The following ANKFN1 variants were observed in gnomAD, a reference collection of about 807,000 sequenced individuals.
ANKFN1 encodes ankyrin repeat and fibronectin type-III domain-containing protein 1.
ANKFN1 carries 74 observed loss-of-function variants against 108.7 expected under a neutral mutation model. The ratio of observed to expected loss-of-function variants is 0.68; its 90% CI spans 0.56 to 0.83. The LOEUF (loss-of-function observed/expected upper bound fraction) is 0.83, where lower values mean the gene tolerates loss of function less well. Among genes scored for constraint, ANKFN1 ranks in the 40% least tolerant of loss-of-function variants. The pLI is 0.00. For synonymous variants in ANKFN1, 547 were observed against 516.2 expected, an observed-to-expected ratio of 1.06 and a Z score of -0.81; for missense variants, 1,505 against 1,382.3, an observed-to-expected ratio of 1.09 and a Z score of -1.41.
intron 4 of ANKFN1, among the ~76,000 whole-genome samples, chr17:56,347,948 T>C (rs56256630): frequency 0.5 from 75,669 of 151,778 alleles, 19,252 homozygotes; most frequent in Middle Eastern, 0.57. Context: ...TACAAAAGAA[T>C]GTAGAGTTAT....
intron 1 of ANKFN1, among the ~76,000 whole-genome samples, chr17:56,208,347 A>G (rs946383703): frequency 6.6e-6 from 1 of 152,178 alleles, no homozygotes. Flanking sequence ...CAATCTCAGC[A>G]CTACTGACGT....
At chr17:56,269,042 G>A (rs772970243) in intron 3 of ANKFN1, among the ~76,000 whole-genome samples, 43 of 152,202 alleles carry the variant, frequency 2.8e-4, no homozygotes, top group Non-Finnish European at 4.3e-4. Flanking sequence ...AGTTTTTTGG[G>A]GGTAGTTATA....
chr17:56,237,818 C>T (rs190950636), intron 3 of ANKFN1, among the ~76,000 whole-genome samples: 60 of 151,984 alleles, frequency 3.9e-4, no homozygotes, highest in African/African-American at 1.4e-3. Context: ...CTTCTGCTAG[C>T]TTTGGTGTTG....
At chr17:56,186,007 G>A (rs1319523050) in intron 1 of ANKFN1, among the ~76,000 whole-genome samples, 1 of 152,166 alleles carries the variant, frequency 6.6e-6, no homozygotes, top group East Asian at 1.9e-4. Context: ...ACTCTCAAAG[G>A]CAGCTCATGT....
At chr17:56,082,871 G>T (rs1296137540) in intron 4 of ANKFN1, among the ~76,000 whole-genome samples, 2 of 141,448 alleles carry the variant, frequency 1.4e-5, no homozygotes, top group Non-Finnish European at 3.2e-5. Context: ...GAGCTCTCCA[G>T]GGTTTAGGTA....
At chr17:56,463,502 C>T (rs1003374975) in intron 14 of ANKFN1, among the ~76,000 whole-genome samples, 1 of 152,118 alleles carries the variant, frequency 6.6e-6, no homozygotes, top group Non-Finnish European at 1.5e-5. Context: ...ATAAGTATCT[C>T]AGCATGTGGG....
At position 56,249,204 on chromosome 17, in the gene ANKFN1, G is replaced by A. The variant is rs1046977740; in HGVS notation, c.53+21247G>A. 4.6e-5 allele frequency among the ~76,000 whole-genome samples: 7 copies of A among 152,274 alleles called. No individual in the cohort carries two copies. The East Asian group carries it at 1.4e-3, about 29-fold the overall frequency. ...AATCCCAGCACTTTGGGAGGCCGAGGTGGGCAGATCACCTGAGGTCAGGAG... is the reference window on the plus strand; with the variant it reads ...AATCCCAGCACTTTGGGAGGCCGAGATGGGCAGATCACCTGAGGTCAGGAG... On this transcript the variant is annotated intron_variant, in intron 3 of 20. Coordinates refer to ENST00000682825, the MANE Select transcript of ANKFN1 (RefSeq NM_001370326.1).
At chr17:56,175,414 A>G (rs1203290655) in intron 1 of ANKFN1, among the ~76,000 whole-genome samples, 1 of 152,246 alleles carries the variant, frequency 6.6e-6, no homozygotes, top group Non-Finnish European at 1.5e-5. Context: ...CATGGACATC[A>G]ACACCTTGAA....
chr17:56,119,630 G>A (rs772717617), intron 4 of ANKFN1, among the ~76,000 whole-genome samples: 5 of 152,092 alleles, frequency 3.3e-5, no homozygotes, highest in Non-Finnish European at 7.4e-5. Flanking sequence ...TATGGCTATT[G>A]GTAAGAATTA....
chr17:56,505,315 T>G (rs1357981342), intron 20 of ANKFN1, among the ~76,000 whole-genome samples: 1 of 152,204 alleles, frequency 6.6e-6, no homozygotes, highest in Non-Finnish European at 1.5e-5. Context: ...GATTTCAATA[T>G]TTGTTTCAGT....
intron 3 of ANKFN1, among the ~76,000 whole-genome samples, chr17:56,262,937 G>A (rs1028718489): frequency 1.3e-5 from 2 of 152,110 alleles, no homozygotes; most frequent in Non-Finnish European, 2.9e-5. Context: ...CATTGTTAAG[G>A]TGCTTTTGTA....
At chr17:56,484,884 A>G (rs557205171) in intron 18 of ANKFN1, among the ~76,000 whole-genome samples, 1 of 152,320 alleles carries the variant, frequency 6.6e-6, no homozygotes, top group East Asian at 1.9e-4. Context: ...GGGACAATCT[A>G]CAACTTGGTA....
intron 14 of ANKFN1, among the ~76,000 whole-genome samples, chr17:56,460,555 G>GA (rs1281290006): frequency 6.6e-6 from 1 of 151,982 alleles, no homozygotes; most frequent in Non-Finnish European, 1.5e-5. Flanking sequence ...CATCTCAGGT[G>GA]ATGATTTCAC....
At chr17:56,275,724 A>C (rs1321181413) in intron 3 of ANKFN1, among the ~76,000 whole-genome samples, 1 of 152,162 alleles carries the variant, frequency 6.6e-6, no homozygotes, top group Non-Finnish European at 1.5e-5. Context: ...AGCACAGAAT[A>C]TTTCTAAGAA....
chr17:56,289,729 C>T (rs1467808323), intron 3 of ANKFN1, among the ~76,000 whole-genome samples: 1 of 152,198 alleles, frequency 6.6e-6, no homozygotes, highest in Admixed American at 6.5e-5. Context: ...ACATTGGCCC[C>T]GTTGTAATGT....
chr17:56,159,042 A>AAAG (rs1421452526), intron 1 of ANKFN1, among the ~76,000 whole-genome samples: 2 of 150,258 alleles, frequency 1.3e-5, no homozygotes, highest in East Asian at 3.9e-4. Flanking sequence ...CCAAAAAAAA[A>AAAG]AAAAAAAAAA....
chr17:56,280,286 C>A (rs548668427), intron 3 of ANKFN1, among the ~76,000 whole-genome samples: 292 of 152,244 alleles, frequency 1.9e-3, no homozygotes, highest in Non-Finnish European at 3.2e-3. Flanking sequence ...AGAAGATCCA[C>A]CCTCACTAAT....
intron 4 of ANKFN1, among the ~76,000 whole-genome samples, chr17:56,094,096 C>T (rs1012436229): frequency 6.6e-6 from 1 of 151,184 alleles, no homozygotes; most frequent in African/African-American, 2.4e-5. Context: ...GATGCATCTA[C>T]ATCCCAAGAA....
chr17:56,308,290 AAAG>A (rs1228250810), intron 3 of ANKFN1, among the ~76,000 whole-genome samples: 9 of 152,168 alleles, frequency 5.9e-5, no homozygotes, highest in African/African-American at 2.2e-4. Flanking sequence ...AGTGCAAAAA[AAAG>A]ATTTTAATTT....
Sources: gnomAD v4.1 joint callset for allele counts (sites outside exome capture counted in the v4.1 genomes callset) on GRCh38, gnomAD v4.1.1 for gene constraint, MANE v1.5 for transcripts, NCBI Gene and HGNC (gene_info 2026-07-23, HGNC 2026-07-21) for gene names.